The following MGAT4C variants were observed in gnomAD, a reference collection of about 807,000 sequenced individuals.
MGAT4C encodes alpha-1,3-mannosyl-glycoprotein 4-beta-N-acetylglucosaminyltransferase C.
In MGAT4C, 19 loss-of-function variants were observed where a neutral mutation model predicts 40.1. That is an observed-to-expected ratio of 0.47 (90% confidence interval 0.33 to 0.70). The LOEUF (loss-of-function observed/expected upper bound fraction) is 0.70. Ranked by LOEUF, MGAT4C falls within the 30% of genes least tolerant of loss-of-function variation. MGAT4C has a pLI of 0.02. For missense variants in MGAT4C, 491 were observed against 563.2 expected, an observed-to-expected ratio of 0.87 and a Z score of 1.30; for synonymous variants, 181 against 187.1, an observed-to-expected ratio of 0.97 and a Z score of 0.27.
intron 1 of MGAT4C, among the ~76,000 whole-genome samples, chr12:86,205,348 T>C (rs1950211324): frequency 6.6e-6 from 1 of 151,586 alleles, no homozygotes; most frequent in African/African-American, 2.4e-5. Flanking sequence ...AAATTATTTA[T>C]TTTTTCAGTG....
intron 2 of MGAT4C, among the ~76,000 whole-genome samples, chr12:86,528,176 T>C (rs1425046228): frequency 6.6e-6 from 1 of 152,088 alleles, no homozygotes; most frequent in Non-Finnish European, 1.5e-5. Flanking sequence ...TTTGAAAACA[T>C]TTTAAAATGA....
intron 1 of MGAT4C, among the ~76,000 whole-genome samples, chr12:86,203,548 C>A (rs1950129787): frequency 1.3e-5 from 2 of 152,044 alleles, no homozygotes; most frequent in Admixed American, 6.6e-5. Flanking sequence ...TTTGGTAGCT[C>A]CAAACTAATT....
At chr12:86,455,937 G>A (rs538118190) in intron 2 of MGAT4C, among the ~76,000 whole-genome samples, 1 of 151,956 alleles carries the variant, frequency 6.6e-6, no homozygotes, top group Admixed American at 6.6e-5. Flanking sequence ...AAAAAATAGA[G>A]TATTACTTGA....
chr12:86,754,086 C>G (rs889969633), intron 1 of MGAT4C, among the ~76,000 whole-genome samples: 2 of 152,064 alleles, frequency 1.3e-5, no homozygotes, highest in African/African-American at 4.8e-5. Flanking sequence ...CCAAAACAAC[C>G]AAAATATCCA....
At chr12:86,360,771 A>G (rs1045861506) in intron 3 of MGAT4C, among the ~76,000 whole-genome samples, 9 of 152,202 alleles carry the variant, frequency 5.9e-5, no homozygotes, top group African/African-American at 2.2e-4. Context: ...TAGGAATCCA[A>G]CTTACAAGGG....
At chr12:86,514,605 ACT>A (rs1304920852) in intron 2 of MGAT4C, among the ~76,000 whole-genome samples, 2 of 151,996 alleles carry the variant, frequency 1.3e-5, no homozygotes, top group African/African-American at 4.8e-5. Context: ...AATCTCTCTG[ACT>A]CTCTATCTTC....
At chr12:86,585,540 T>C (rs544829601) in intron 2 of MGAT4C, among the ~76,000 whole-genome samples, 43 of 151,566 alleles carry the variant, frequency 2.8e-4, no homozygotes, top group African/African-American at 9.6e-4. Flanking sequence ...TATTGATGGC[T>C]ATAATTTCTT....
rs565631872 is a variant in MGAT4C, at chr12:86,074,950, G to C, written c.-56-25227C>G. ...TACAATTCAAAATGAGATTTGGGTGGGGACACAGCCAAACCATATCGTTGT... is the reference window on the plus strand; with the variant it reads ...TACAATTCAAAATGAGATTTGGGTGCGGACACAGCCAAACCATATCGTTGT... On this transcript the variant is annotated intron_variant, in intron 1 of 4. Transcript: ENST00000611864. 2.6e-5 allele frequency among the ~76,000 whole-genome samples: 4 copies of C among 152,130 alleles called. No individual in the cohort carries two copies. The East Asian group carries it at 7.7e-4, about 29-fold the overall frequency.
At chr12:86,694,321 A>G (rs560988762) in intron 2 of MGAT4C, among the ~76,000 whole-genome samples, 5 of 152,268 alleles carry the variant, frequency 3.3e-5, no homozygotes. Context: ...AAACATGACA[A>G]AATGTGAAAG....
chr12:86,633,160 C>T (rs1372003212), intron 2 of MGAT4C, among the ~76,000 whole-genome samples: 1 of 151,756 alleles, frequency 6.6e-6, no homozygotes. Context: ...CCGATTATTG[C>T]AAGTTTTAAG....
At chr12:86,695,063 C>A (rs1234121600) in intron 2 of MGAT4C, among the ~76,000 whole-genome samples, 1 of 152,136 alleles carries the variant, frequency 6.6e-6, no homozygotes, top group African/African-American at 2.4e-5. Flanking sequence ...GCTCAAGCAA[C>A]TCTACAGGAA....
In MGAT4C at chr12:85,962,482, A is replaced by C. The variant is rs1431859246; in HGVS notation, c.*16807T>G. 1 of 148,960 alleles carries C rather than the reference A, an allele frequency of 6.7e-6. No homozygotes were observed. The highest frequency in any genetic ancestry group is 1.9e-4 in the East Asian group (1 of 5,140). The allele number at this position is 148,960 out of a possible 1,614,324, so 9.2% of individuals were successfully genotyped here. A position where few individuals can be genotyped will look rare whatever the true frequency, so the allele number is the denominator to read the frequency against. ...TATTAACAATAATTGAACATTGTTT[A>C]CTTTTTTATCCTCACAACAATTCAA... On this transcript the variant is annotated 3_prime_UTR_variant, in exon 5 of 5. Coordinates refer to ENST00000611864, the MANE Select transcript of MGAT4C (RefSeq NM_001351288.2).
intron 4 of MGAT4C, among the ~76,000 whole-genome samples, chr12:86,279,048 G>A (rs1239639803): frequency 1.3e-5 from 2 of 151,334 alleles, no homozygotes; most frequent in African/African-American, 2.4e-5. Context: ...AATTTGGTTT[G>A]CTAGTATTCT....
intron 3 of MGAT4C, among the ~76,000 whole-genome samples, chr12:86,428,650 G>A (rs969960484): frequency 2.6e-5 from 4 of 152,116 alleles, no homozygotes; most frequent in Non-Finnish European, 5.9e-5. Flanking sequence ...ATATTCCCTT[G>A]TTAATAGTTT....
chr12:86,308,591 T>G (rs1953997354), intron 4 of MGAT4C, among the ~76,000 whole-genome samples: 1 of 150,680 alleles, frequency 6.6e-6, no homozygotes, highest in African/African-American at 2.5e-5. Flanking sequence ...CTTGGTCATG[T>G]TACAGCCTAA....
At chr12:86,187,393 T>C (rs898913339) in intron 1 of MGAT4C, among the ~76,000 whole-genome samples, 4 of 152,072 alleles carry the variant, frequency 2.6e-5, no homozygotes, top group Non-Finnish European at 2.9e-5. Context: ...AATGAACTTA[T>C]ACAATAATGT....
intron 1 of MGAT4C, among the ~76,000 whole-genome samples, chr12:86,828,270 ATAAT>A (rs1398589538): frequency 6.6e-6 from 1 of 151,082 alleles, no homozygotes; most frequent in Non-Finnish European, 1.5e-5. Context: ...AACAAGGAAA[ATAAT>A]AAATAATTTT....
intron 3 of MGAT4C, among the ~76,000 whole-genome samples, chr12:86,375,785 CAA>C (rs1955812256): frequency 1.3e-5 from 2 of 151,904 alleles, no homozygotes; most frequent in South Asian, 4.1e-4. Flanking sequence ...AGAACACTAA[CAA>C]TGAGAACAAT....
In MGAT4C at chr12:86,430,254, G is replaced by T. The variant is rs186492764; in HGVS notation, c.-120+4903C>A. On this transcript the variant is annotated intron_variant, in intron 3 of 7. Transcript: ENST00000548651. Reference sequence around the variant, plus strand: ...TTGATTTATCTGCTACAGATTTCTAGATCTCCATTTCTTTAGGGTTCATTA... The same window carrying T: ...TTGATTTATCTGCTACAGATTTCTATATCTCCATTTCTTTAGGGTTCATTA... 3.0e-3 allele frequency among the ~76,000 whole-genome samples: 458 copies of T among 152,094 alleles called. 2 individuals are homozygous for T. The highest frequency in any genetic ancestry group is 5.0e-3 in the Non-Finnish European group (342 of 67,976).
Sources: allele counts gnomAD v4.1 joint callset (sites outside exome capture counted in the v4.1 genomes callset), GRCh38; gene constraint gnomAD v4.1.1; transcripts MANE v1.5; gene names NCBI Gene and HGNC (gene_info 2026-07-23, HGNC 2026-07-21).